Variants in AR observed in about 807,000 individuals in gnomAD.
AR encodes dihydrotestosterone receptor.
A neutral mutation model predicts 53.9 loss-of-function variants in AR; 8 were observed. The observed-to-expected ratio is 0.15, with a 90% CI of 0.09 to 0.27. The LOEUF is 0.27. AR is among the 10% of genes least tolerant of loss of function. The pLI is 1.00. For synonymous variants in AR, 359 were observed against 316.4 expected (o/e 1.13, Z -1.43); for missense variants, 639 against 742.5 (o/e 0.86, Z 1.62).
At chrX:67,721,750 A>AG (rs1440904113) in intron 5 of AR, 83 bp from the exon 6 acceptor site, 1 of 1,159,452 alleles carries the variant, frequency 8.6e-7, no homozygotes, top group Non-Finnish European at 1.2e-6. Context: ...AAACCTGGCG[A>AG]GGGATGGCAA....
intron 3 of AR, among the ~76,000 whole-genome samples, chrX:67,707,231 A>G (rs1398708836): frequency 9.0e-6 from 1 of 111,640 alleles, no homozygotes; most frequent in Non-Finnish European, 1.9e-5. Context: ...TCTAATGTTG[A>G]CAGTGGGGTG....
intron 3 of AR, among the ~76,000 whole-genome samples, chrX:67,691,017 T>C (rs1418272688): frequency 8.9e-6 from 1 of 112,029 alleles, no homozygotes; most frequent in Non-Finnish European, 1.9e-5. Context: ...TTGAAAATCT[T>C]TGAGCATGGG....
chrX:67,550,039 T>C (rs1006411737), intron 1 of AR, among the ~76,000 whole-genome samples: 5 of 111,790 alleles, frequency 4.5e-5, no homozygotes, highest in African/African-American at 1.6e-4. Flanking sequence ...CATCTTTTCT[T>C]TGTGGTCAGC....
chrX:67,631,077 T>G (rs1467043309), intron 1 of AR, among the ~76,000 whole-genome samples: 1 of 111,452 alleles, frequency 9.0e-6, no homozygotes, highest in Non-Finnish European at 1.9e-5. Flanking sequence ...TTAACATTTT[T>G]TCCTTCATTT....
At chrX:67,683,445 C>A (rs2075947887) in intron 2 of AR, among the ~76,000 whole-genome samples, 1 of 111,374 alleles carries the variant, frequency 9.0e-6, no homozygotes, top group Non-Finnish European at 1.9e-5. Context: ...TCCAGACATC[C>A]TTCAAGATTC....
At chrX:67,660,661 C>A (rs774006331) in intron 2 of AR, among the ~76,000 whole-genome samples, 1 of 111,401 alleles carries the variant, frequency 9.0e-6, no homozygotes, top group Non-Finnish European at 1.9e-5. Context: ...GCCTCCAGCT[C>A]TGTTCTTTTG....
chrX:67,726,423 A>G lies in AR; in HGVS notation c.*2582A>G, dbSNP rs1299032577. The G allele has an allele frequency of 1.1e-5, 2 of 173,985 alleles. No homozygotes were observed. The highest frequency in any genetic ancestry group is 1.6e-4 in the East Asian group (2 of 12,221). The allele number at this position is 173,985 out of a possible 1,213,427, so 14.3% of individuals were successfully genotyped here. A position where few individuals can be genotyped will look rare whatever the true frequency, so the allele number is the denominator to read the frequency against. On this transcript the variant is annotated 3_prime_UTR_variant, in exon 8 of 8. Transcript: ENST00000374690. Reference sequence around the variant, plus strand: ...TTTTGTGATACACAGATTGAATTATATCATTTTCATATCTCTCCTTGTAAA... The same window carrying G: ...TTTTGTGATACACAGATTGAATTATGTCATTTTCATATCTCTCCTTGTAAA...
chrX:67,610,612 T>A (rs1467865657), intron 1 of AR, among the ~76,000 whole-genome samples: 1 of 111,395 alleles, frequency 9.0e-6, no homozygotes, highest in East Asian at 2.8e-4. Flanking sequence ...TAATTACTGT[T>A]CTACAACTTA....
intron 1 of AR, among the ~76,000 whole-genome samples, chrX:67,607,435 C>G (rs1283915540): frequency 8.9e-6 from 1 of 112,112 alleles, no homozygotes; most frequent in East Asian, 2.8e-4. Context: ...TGTTGCTCTT[C>G]TTCTCTGAGC....
intron 3 of AR, among the ~76,000 whole-genome samples, chrX:67,687,664 T>C (rs2075974256): frequency 8.9e-6 from 1 of 112,005 alleles, no homozygotes; most frequent in East Asian, 2.8e-4. Context: ...ATATGAATGT[T>C]GCAGCCCCAT....
chrX:67,627,414 G>T (rs1435909817), intron 1 of AR, among the ~76,000 whole-genome samples: 2 of 112,032 alleles, frequency 1.8e-5, no homozygotes, highest in Admixed American at 9.5e-5. Context: ...TGTTTTTTGG[G>T]TGCATAAATG....
At chrX:67,560,065 T>C (rs1921229685) in intron 1 of AR, among the ~76,000 whole-genome samples, 1 of 111,772 alleles carries the variant, frequency 8.9e-6, no homozygotes, top group Admixed American at 9.5e-5. Flanking sequence ...TGGTATGTAG[T>C]TTGCTTTAGA....
chrX:67,676,611 A>C lies in AR; in HGVS notation c.1769-9399A>C, dbSNP rs1039677997. On this transcript the variant is annotated intron_variant, in intron 2 of 7. Transcript: ENST00000374690. ...TAAAAGCCTGTGCAGGGTTTATGGC[A>C]AAAGTAAAACTTGCTCCAGGAGCAA... 1.3e-4 allele frequency among the ~76,000 whole-genome samples: 14 copies of C among 111,601 alleles called. No individual in the cohort carries two copies. The South Asian group carries it at 2.3e-3, about 18-fold the overall frequency.
chrX:67,560,404 C>A (rs1921245890), intron 1 of AR, among the ~76,000 whole-genome samples: 1 of 111,832 alleles, frequency 8.9e-6, no homozygotes, highest in Non-Finnish European at 1.9e-5. Context: ...GCCACCAGAT[C>A]TTTCCAAAGT....
Position 67,546,514 on chromosome X carries a change from TGGCGGCGGCGGCGGCGGCGGCGGC to T in AR, c.1397_1420del (p.Gly466_Gly473del), listed in dbSNP as rs746853821. 2.7e-3 allele frequency: 1,496 copies of T among 559,009 alleles called. 125 individuals carry two copies. Among genetic ancestry groups the T allele is most frequent in the African/African-American group, 8.5e-3 (297 of 34,859 alleles). The allele number at this position is 559,009 out of a possible 1,213,427, so 46.1% of individuals were successfully genotyped here. On this transcript the variant is annotated inframe_deletion, in exon 1 of 8. Transcript: ENST00000374690. ...GACCGTGTGGTGGTGGTGGGGGTGG[TGGCGGCGGCGGCGGCGGCGGCGGC>T]GGCGGCGGCGGCGGCGGCGGCGGCG...
At chrX:67,662,101 G>C (rs1041246025) in intron 2 of AR, among the ~76,000 whole-genome samples, 3 of 110,921 alleles carry the variant, frequency 2.7e-5, no homozygotes, top group African/African-American at 9.9e-5. Flanking sequence ...TATTAGTCTT[G>C]CTAGTGGTCT....
intron 3 of AR, among the ~76,000 whole-genome samples, chrX:67,687,689 T>C (rs2075974429): frequency 8.9e-6 from 1 of 112,239 alleles, no homozygotes; most frequent in Middle Eastern, 4.6e-3. Context: ...AGGGTTCTTA[T>C]ACACTCAACT....
At chrX:67,682,755 GA>G (rs1393620622) in intron 2 of AR, among the ~76,000 whole-genome samples, 2 of 111,924 alleles carry the variant, frequency 1.8e-5, no homozygotes, top group African/African-American at 6.5e-5. Flanking sequence ...ATCATTTGGG[GA>G]AGTGATAATT....
chrX:67,696,150 T>TA, intron 3 of AR: 1 of 740,825 alleles, frequency 1.3e-6, no homozygotes, highest in Non-Finnish European at 1.6e-6. Flanking sequence ...TTTTTTTTTT[T>TA]TCCTTTTTTT....
Sources: allele counts gnomAD v4.1 joint callset (sites outside exome capture counted in the v4.1 genomes callset), GRCh38; gene constraint gnomAD v4.1.1; transcripts MANE v1.5; gene names NCBI Gene and HGNC (gene_info 2026-07-23, HGNC 2026-07-21).